The following SNAPC4 variants were observed in gnomAD, a reference collection of about 807,000 sequenced individuals.
SNAPC4 encodes small nuclear RNA activating complex polypeptide 4.
In SNAPC4, 127 loss-of-function variants were observed where a neutral mutation model predicts 151.3. That is an observed-to-expected ratio of 0.84 (90% CI 0.73 to 0.97). SNAPC4 has a LOEUF of 0.97. Ranked by LOEUF, SNAPC4 falls within the 50% of genes least tolerant of loss-of-function variation. SNAPC4 has a pLI of 0.00. For missense variants in SNAPC4, 2,186 were observed against 1,935.0 expected, an observed-to-expected ratio of 1.13 and a Z score of -2.43; for synonymous variants, 1,002 against 824.4, an observed-to-expected ratio of 1.22 and a Z score of -3.69.
intron 14 of SNAPC4, among the ~76,000 whole-genome samples, chr9:136,384,295 T>C (rs1393967880): frequency 6.6e-6 from 1 of 152,014 alleles, no homozygotes; most frequent in Non-Finnish European, 1.5e-5. Context: ...CCCTCACATA[T>C]CTGCTCCCCC....
chr9:136,397,173 C>T, intron 2 of SNAPC4, 150 bp from the exon 3 acceptor site: 1 of 735,884 alleles, frequency 1.4e-6, no homozygotes, highest in Admixed American at 2.0e-5. Context: ...CCTTCCCTCC[C>T]TGACAGCGGG....
intron 19 of SNAPC4, 131 bp from the exon 20 acceptor site, chr9:136,380,981 T>C: frequency 1.6e-6 from 1 of 620,992 alleles, no homozygotes; most frequent in Non-Finnish European, 2.9e-6. Flanking sequence ...CTTCCTGCCC[T>C]TCTGATGCAG....
In SNAPC4 at chr9:136,377,833, C is replaced by T. The variant is rs186959103; in HGVS notation, c.3994G>A (p.Val1332Met). Residue 1332 changes from valine (V) to methionine (M), a missense_variant, in exon 22 of 24, where the codon GTG (valine) becomes ATG (methionine). By Grantham distance (21) the Val-to-Met change is conservative. Coordinates refer to ENST00000684778, the MANE Select transcript of SNAPC4 (RefSeq NM_003086.4). Reference protein sequence around the residue: ...KALEHKATSLVVGGEAERPAG... With the variant: ...KALEHKATSLMVGGEAERPAG... ...GGCCGCTCAGCCTCGCCCCCCACCA[C>T]CAGGGAGGTGGCCTTGTGCTCCAGG... 1.7e-4 allele frequency: 271 copies of T among 1,611,604 alleles called. No homozygotes were observed. In the East Asian group the frequency reaches 3.2e-3, roughly 19 times the overall value.
At chr9:136,381,206 G>A in intron 19 of SNAPC4, 116 bp downstream of exon 19, 1 of 831,716 alleles carries the variant, frequency 1.2e-6, no homozygotes, top group Non-Finnish European at 2.0e-6. Flanking sequence ...GCATTTTCAA[G>A]GCTAGAAAAC....
rs775895664 is a variant in SNAPC4, at chr9:136,398,360, G to A, written c.69C>T (p.Pro23=). Residue 23 remains proline (P), a synonymous_variant, in exon 2 of 24, where the codon CCC becomes CCT. Coordinates refer to ENST00000684778, the MANE Select transcript of SNAPC4 (RefSeq NM_003086.4). ...EIKELERILD[P]GSSGSHVEIS... Reference sequence around the variant, plus strand: ...TCTCCACGTGGGAGCCCGAGGAGCCGGGATCCAAAATCCTTTCCAGCTCCT... The same window carrying A: ...TCTCCACGTGGGAGCCCGAGGAGCCAGGATCCAAAATCCTTTCCAGCTCCT... 2.6e-5 allele frequency: 42 copies of A among 1,613,754 alleles called. No individual in the cohort carries two copies. Among genetic ancestry groups the A allele is most frequent in the Middle Eastern group, 3.3e-4 (2 of 6,080 alleles).
chr9:136,378,005 C>T lies in SNAPC4; in HGVS notation c.3822G>A (p.Leu1274=). The T allele has an allele frequency of 6.3e-7, 1 of 1,598,890 alleles. No homozygotes were observed. The highest frequency in any genetic ancestry group is 8.5e-7 in the Non-Finnish European group (1 of 1,173,620). The change falls in exon 22 of 24, where the codon CTG becomes CTA. Residue 1274 remains leucine (L), a synonymous_variant. Transcript: ENST00000684778. The part of the protein sequence containing the change: ...PEKGALDLGL[L]SQEGEAATQQ... Reference sequence around the variant, plus strand: ...GTGTGGCCGCCTCGCCCTCCTGGGACAGCAGGCCCAGGTCCAGGGCCCCCT... The same window carrying T: ...GTGTGGCCGCCTCGCCCTCCTGGGATAGCAGGCCCAGGTCCAGGGCCCCCT...
chr9:136,377,961 T>C lies in SNAPC4; in HGVS notation c.3866A>G (p.Gln1289Arg). 6.2e-7 allele frequency: 1 copy of C among 1,602,092 alleles called. No individual in the cohort carries two copies. Among genetic ancestry groups the C allele is most frequent in the Non-Finnish European group, 8.5e-7 (1 of 1,174,422 alleles). The change falls in exon 22 of 24, where the codon CAG becomes CGG. Residue 1289 changes from glutamine (Q) to arginine (R), a missense_variant. Coordinates refer to ENST00000684778, the MANE Select transcript of SNAPC4 (RefSeq NM_003086.4). ...CAGAAGAGGCACACGCACCCCCCGCTGGCCCCCCAGCCACTGCTGTGTGGC... is the reference window on the plus strand; with the variant it reads ...CAGAAGAGGCACACGCACCCCCCGCCGGCCCCCCAGCCACTGCTGTGTGGC... The part of the protein sequence containing the change: ...EAATQQWLGG[Q>R]RGVRVPLLGS...
In SNAPC4 at chr9:136,376,464, A is replaced by G; in HGVS notation, c.4302T>C (p.Gly1434=). 6.2e-7 allele frequency: 1 copy of G among 1,613,252 alleles called. No homozygotes were observed. The highest frequency in any genetic ancestry group is 8.5e-7 in the Non-Finnish European group (1 of 1,179,850). The change falls in exon 23 of 24, where the codon GGT becomes GGC. Residue 1434 remains glycine (G), a synonymous_variant. Coordinates refer to ENST00000684778, the MANE Select transcript of SNAPC4 (RefSeq NM_003086.4). ...TCPIQGAPDS[G]KCSASSCLDT... ...CCAGGCAGGAGGAAGCAGAGCATTT[A>G]CCAGAGTCTGGGGCTCCCTGAAAGA...
intron 23 of SNAPC4, among the ~76,000 whole-genome samples, chr9:136,376,119 T>C (rs1251912707): frequency 1.3e-5 from 2 of 152,156 alleles, no homozygotes. Context: ...AATGAGCCTA[T>C]GGTCAGGGGC....
intron 10 of SNAPC4, among the ~76,000 whole-genome samples, chr9:136,390,091 G>A (rs1421283694): frequency 6.6e-6 from 1 of 152,120 alleles, no homozygotes; most frequent in East Asian, 1.9e-4. Flanking sequence ...AGAGTGGAAG[G>A]AAAAGAGGCC....
In SNAPC4 at chr9:136,388,471, C is replaced by G; in HGVS notation, c.1096G>C (p.Val366Leu). ...CTGCGGTAGGGGATGTGGCTGCCGACGCGCATCTCCTGCACCAGCTGCGTG... is the reference window on the plus strand; with the variant it reads ...CTGCGGTAGGGGATGTGGCTGCCGAGGCGCATCTCCTGCACCAGCTGCGTG... ...MLTQLVQEMR[V>L]GSHIPYRRIV... is the part of the protein sequence containing the mutation. The change falls in exon 11 of 24, where the codon GTC becomes CTC. Residue 366 changes from valine (V) to leucine (L), a missense_variant. By Grantham distance (32) the Val-to-Leu change is conservative. Coordinates refer to ENST00000684778, the MANE Select transcript of SNAPC4 (RefSeq NM_003086.4). 2 of 1,613,470 alleles carry G rather than the reference C, an allele frequency of 1.2e-6. No homozygotes were observed. The highest frequency in any genetic ancestry group is 1.7e-6 in the Non-Finnish European group (2 of 1,179,890).
Position 136,392,610 on chromosome 9 carries a change from AG to A in SNAPC4, c.738-17del. On this transcript the variant is annotated splice_polypyrimidine_tract_variant and intron_variant, in intron 8 of 23. Transcript: ENST00000684778. ...TGGAAGCTGGCTGGTGGAAGGGATG[AG>A]GGTATTGGCACCACGCCTGGCTTGT... 1 of 1,613,746 alleles carries A rather than the reference AG, an allele frequency of 6.2e-7. No individual in the cohort carries two copies. Among genetic ancestry groups the A allele is most frequent in the Admixed American group, 1.7e-5 (1 of 60,022 alleles).
chr9:136,395,614 G>A lies in SNAPC4; in HGVS notation c.334C>T (p.Arg112Trp), dbSNP rs368462816. 1.6e-5 allele frequency: 26 copies of A among 1,611,344 alleles called. No homozygotes were observed. Among genetic ancestry groups the A allele is most frequent in the African/African-American group, 4.0e-5 (3 of 75,028 alleles). Residue 112 changes from arginine to tryptophan, a missense_variant, in exon 4 of 24, where the codon CGG becomes TGG. Coordinates refer to ENST00000684778, the MANE Select transcript of SNAPC4 (RefSeq NM_003086.4). ...GAGGCCCATCCCACCTGCTGCTCCCGGTTCTGGGCCAGCAGCAGGTTGGCC... is the reference window on the plus strand; with the variant it reads ...GAGGCCCATCCCACCTGCTGCTCCCAGTTCTGGGCCAGCAGCAGGTTGGCC... The part of the protein sequence containing the change: ...AEANLLLAQN[R>W]EQQEELMRDL...
At chr9:136,384,938 A>G (rs933062977) in intron 13 of SNAPC4, 124 bp from the exon 14 acceptor site, 2 of 547,152 alleles carry the variant, frequency 3.7e-6, no homozygotes, top group Non-Finnish European at 6.4e-6. Context: ...AGAAAACTAC[A>G]GATAAAGTAG....
chr9:136,378,523 TC>T lies in SNAPC4; in HGVS notation c.3303del (p.Thr1102ProfsTer15). Reference sequence around the variant, plus strand: ...GCCAGCAGCCCTGCGGGGCCAGGGGTCCCTGCTGGCCTGGGAAGGCTCACCA... The same window carrying T: ...GCCAGCAGCCCTGCGGGGCCAGGGGTCCTGCTGGCCTGGGAAGGCTCACCA... ...PAVVSLPRPA[G>X]TPGPAGLLAT... On this transcript the variant is annotated frameshift_variant, in exon 22 of 24. Coordinates refer to ENST00000684778, the MANE Select transcript of SNAPC4 (RefSeq NM_003086.4). LOFTEE classifies it high-confidence loss of function. 6.3e-7 allele frequency: 1 copy of T among 1,591,602 alleles called. No individual in the cohort carries two copies. The highest frequency in any genetic ancestry group is 8.5e-7 in the Non-Finnish European group (1 of 1,174,828).
chr9:136,377,784 A>C lies in SNAPC4; in HGVS notation c.4043T>G (p.Leu1348Arg), dbSNP rs1564375434. ...ERPAGALQAS[L>R]GLVRGQLQDN... ...CTGGAGCTGCCCCCGCACCAGCCCCAGTGAGGCTTGCAGTGCTCCGGCCGG... is the reference window on the plus strand; with the variant it reads ...CTGGAGCTGCCCCCGCACCAGCCCCCGTGAGGCTTGCAGTGCTCCGGCCGG... Residue 1348 changes from leucine (L) to arginine (R), a missense_variant, in exon 22 of 24, where the codon CTG becomes CGG. By Grantham distance (102) the Leu-to-Arg change is moderately radical. Coordinates refer to ENST00000684778, the MANE Select transcript of SNAPC4 (RefSeq NM_003086.4). 1.2e-6 allele frequency: 2 copies of C among 1,611,942 alleles called. No homozygotes were observed. Among genetic ancestry groups the C allele is most frequent in the Non-Finnish European group, 1.7e-6 (2 of 1,179,650 alleles).
chr9:136,377,574 G>A lies in SNAPC4; in HGVS notation c.4253C>T (p.Pro1418Leu), dbSNP rs748547992. The change falls in exon 22 of 24, where the codon CCG (proline) becomes CTG (leucine). Residue 1418 changes from proline (P) to leucine (L), a missense_variant. Transcript: ENST00000684778. The part of the protein sequence containing the change: ...ELELADRDGQ[P>L]GCTTATCPIQ... ...GGGGCATGTGGCTGTCGTGCAGCCC[G>A]GCTGCCCGTCCCTGTCTGCAAGTTC... The A allele has an allele frequency of 8.1e-5, 123 of 1,521,594 alleles. No homozygotes were observed. The highest frequency in any genetic ancestry group is 3.1e-4 in the South Asian group (24 of 77,700). 94.3% of individuals were successfully genotyped at this position (1,521,594 alleles called of 1,614,324 possible).
chr9:136,382,108 C>G (rs1190033214), intron 17 of SNAPC4, 35 bp from the exon 18 acceptor site: 1 of 1,561,480 alleles, frequency 6.4e-7, no homozygotes, highest in South Asian at 1.2e-5. Context: ...GGCCCATGGC[C>G]AGGCTCGGCC....
chr9:136,382,472 T>C (rs72775757), intron 16 of SNAPC4, 136 bp from the exon 17 acceptor site: 9,722 of 746,686 alleles, frequency 0.013, 172 homozygotes, highest in Admixed American at 0.067. Context: ...CTCTGCCTCA[T>C]GGGAACGTCC....
Sources: allele counts gnomAD v4.1 joint callset (sites outside exome capture counted in the v4.1 genomes callset), GRCh38; gene constraint gnomAD v4.1.1; transcripts MANE v1.5; gene names NCBI Gene and HGNC (gene_info 2026-07-23, HGNC 2026-07-21).